Variants in NELL1 observed in about 807,000 individuals in gnomAD.
NELL1 encodes the protein neural EGFL like 1, also known as protein kinase C-binding protein NELL1.
NELL1 carries 76 observed loss-of-function variants against 107.4 expected under a neutral mutation model. That is an observed-to-expected ratio of 0.71 (90% CI 0.59 to 0.86). The LOEUF is 0.86. Ranked by LOEUF, NELL1 falls within the 40% of genes least tolerant of loss-of-function variation. The pLI is 0.00. For missense variants in NELL1, 1,024 were observed against 1,005.5 expected (o/e 1.02, Z -0.25); for synonymous variants, 353 against 341.2 (o/e 1.03, Z -0.38).
chr11:21,146,583 A>G (rs1466648300), intron 13 of NELL1, among the ~76,000 whole-genome samples: 1 of 152,232 alleles, frequency 6.6e-6, no homozygotes, highest in East Asian at 1.9e-4. Context: ...TTTATCTGGA[A>G]GCCAGCCAAC....
At chr11:20,850,180 G>A (rs1369561152) in intron 4 of NELL1, among the ~76,000 whole-genome samples, 1 of 152,334 alleles carries the variant, frequency 6.6e-6, no homozygotes. Context: ...TTCCCAGCCA[G>A]AACTTGCCAA....
rs192256874 is a variant in NELL1, at chr11:20,904,720, C to G, written c.604-13462C>G. ...TAAGTGTTGAAGGAGGGTCCCAGCACGGAGAAAATCTGCAAAGGTTGGAGG... is the reference window on the plus strand; with the variant it reads ...TAAGTGTTGAAGGAGGGTCCCAGCAGGGAGAAAATCTGCAAAGGTTGGAGG... On this transcript the variant is annotated intron_variant, in intron 5 of 19. Coordinates refer to ENST00000357134, the MANE Select transcript of NELL1 (RefSeq NM_006157.5). Among the ~76,000 whole-genome samples, 68 of 152,140 alleles carry G rather than the reference C, an allele frequency of 4.5e-4. No homozygotes were observed. The South Asian group carries it at 0.013, about 29-fold the overall frequency.
chr11:20,982,450 A>C (rs995096269), intron 12 of NELL1, among the ~76,000 whole-genome samples: 3 of 152,188 alleles, frequency 2.0e-5, no homozygotes, highest in Admixed American at 2.0e-4. Flanking sequence ...GAGATTTAGG[A>C]GACCCAATTT....
At chr11:20,743,585 G>A (rs543708951) in intron 2 of NELL1, among the ~76,000 whole-genome samples, 1 of 152,234 alleles carries the variant, frequency 6.6e-6, no homozygotes, top group African/African-American at 2.4e-5. Context: ...TGAGCCTTGA[G>A]TCTTCTCTAG....
chr11:21,001,056 T>C (rs1191762431), intron 12 of NELL1: 2 of 152,210 alleles, frequency 1.3e-5, no homozygotes, highest in Non-Finnish European at 2.9e-5. Context: ...GATTGAAATG[T>C]AAAACTGTCC....
At chr11:21,228,828 AT>A (rs1038435290) in intron 13 of NELL1, among the ~76,000 whole-genome samples, 6 of 149,818 alleles carry the variant, frequency 4.0e-5, no homozygotes, top group African/African-American at 9.9e-5. Context: ...CATTGTGGAC[AT>A]TTTAGGCTGG....
chr11:20,895,099 G>C (rs1215261486), intron 5 of NELL1, among the ~76,000 whole-genome samples: 1 of 142,910 alleles, frequency 7.0e-6, no homozygotes, highest in African/African-American at 2.8e-5. Flanking sequence ...GTGAAACCCC[G>C]TCTCTACTAA....
At chr11:21,492,124 A>C (rs1020908994) in intron 15 of NELL1, among the ~76,000 whole-genome samples, 1 of 152,126 alleles carries the variant, frequency 6.6e-6, no homozygotes, top group African/African-American at 2.4e-5. Context: ...CATTTATGCA[A>C]CCAAAAAACA....
chr11:21,165,410 C>G (rs1856457940), intron 13 of NELL1, among the ~76,000 whole-genome samples: 2 of 152,322 alleles, frequency 1.3e-5, no homozygotes, highest in South Asian at 4.1e-4. Flanking sequence ...ATCTAAGAGG[C>G]AACTTGACAA....
chr11:21,168,991 G>A (rs1856545613), intron 13 of NELL1, among the ~76,000 whole-genome samples: 1 of 151,888 alleles, frequency 6.6e-6, no homozygotes, highest in African/African-American at 2.4e-5. Flanking sequence ...GTGATGCAGT[G>A]TATCTGCTGT....
chr11:21,230,053 A>G (rs1430712014), intron 14 of NELL1, among the ~76,000 whole-genome samples: 1 of 152,138 alleles, frequency 6.6e-6, no homozygotes, highest in African/African-American at 2.4e-5. Context: ...TTATTCCTTC[A>G]GCATTGTTGT....
chr11:21,118,561 A>C (rs1855289612), intron 13 of NELL1, among the ~76,000 whole-genome samples: 1 of 152,092 alleles, frequency 6.6e-6, no homozygotes. Context: ...TGTATGATAG[A>C]TATCTGCCAC....
At chr11:21,020,082 GA>G (rs1852662325) in intron 12 of NELL1, among the ~76,000 whole-genome samples, 1 of 152,036 alleles carries the variant, frequency 6.6e-6, no homozygotes, top group Non-Finnish European at 1.5e-5. Context: ...CTATACAATG[GA>G]GATATGAGTA....
intron 14 of NELL1, among the ~76,000 whole-genome samples, chr11:21,298,758 C>T (rs545675686): frequency 6.6e-6 from 1 of 151,966 alleles, no homozygotes; most frequent in Non-Finnish European, 1.5e-5. Flanking sequence ...AAAATATTTG[C>T]ATGCCCCTCA....
chr11:20,783,876 G>A (rs1209973030), intron 3 of NELL1, 46 bp downstream of exon 3: 2 of 1,521,254 alleles, frequency 1.3e-6, no homozygotes, highest in African/African-American at 2.8e-5. Context: ...AGAGTTAATG[G>A]GTTATACAAA....
intron 13 of NELL1, among the ~76,000 whole-genome samples, chr11:21,120,265 G>T (rs1855334345): frequency 6.6e-6 from 1 of 152,104 alleles, no homozygotes; most frequent in African/African-American, 2.4e-5. Context: ...TGTTAGAAAT[G>T]TCAGGCTAGG....
chr11:20,997,876 G>A (rs772755880), intron 12 of NELL1, among the ~76,000 whole-genome samples: 35 of 152,002 alleles, frequency 2.3e-4, no homozygotes, highest in Non-Finnish European at 4.3e-4. Flanking sequence ...GCAGGCTGAA[G>A]CAGGAGAATC....
intron 15 of NELL1, among the ~76,000 whole-genome samples, chr11:21,436,939 T>C (rs1221104070): frequency 6.6e-6 from 1 of 152,198 alleles, no homozygotes; most frequent in African/African-American, 2.4e-5. Flanking sequence ...TACTCTTTCA[T>C]TGATTTCTAG....
intron 2 of NELL1, among the ~76,000 whole-genome samples, chr11:20,709,405 A>G (rs1285125014): frequency 6.6e-6 from 1 of 152,100 alleles, no homozygotes; most frequent in Non-Finnish European, 1.5e-5. Flanking sequence ...CTATGTGACT[A>G]TTTTTATACC....
Sources: allele counts gnomAD v4.1 joint callset (sites outside exome capture counted in the v4.1 genomes callset), GRCh38; gene constraint gnomAD v4.1.1; transcripts MANE v1.5; gene names NCBI Gene and HGNC (gene_info 2026-07-23, HGNC 2026-07-21).